Variants in BACH2 observed in about 807,000 individuals in gnomAD.
BACH2 encodes transcription regulator protein BACH2.
A neutral mutation model predicts 61.8 loss-of-function variants in BACH2; 5 were observed. The observed-to-expected ratio is 0.08, with a 90% confidence interval of 0.04 to 0.17. The LOEUF is 0.17. Ranked by LOEUF, BACH2 falls within the 10% of genes least tolerant of loss-of-function variation. The probability of loss-of-function intolerance (pLI) is 1.00; values close to 1 mark genes in which losing one functional copy is unlikely to be tolerated. For missense variants in BACH2, 824 were observed against 1,091.1 expected, an observed-to-expected ratio of 0.76 and a Z score of 3.45; for synonymous variants, 446 against 440.1, an observed-to-expected ratio of 1.01 and a Z score of -0.17.
chr6:90,213,866 C>G (rs1310545801), intron 3 of BACH2, among the ~76,000 whole-genome samples: 5 of 152,168 alleles, frequency 3.3e-5, no homozygotes, highest in Admixed American at 3.3e-4. Flanking sequence ...TCATTCTCTC[C>G]TCTTCTGATG....
chr6:90,131,877 C>T (rs373702408), intron 4 of BACH2, among the ~76,000 whole-genome samples: 5 of 152,278 alleles, frequency 3.3e-5, no homozygotes, highest in African/African-American at 1.2e-4. Context: ...TTAAGCTCAC[C>T]ATTGTTATGC....
At position 90,123,571 on chromosome 6, in the gene BACH2, C is replaced by A. The variant is rs567771416; in HGVS notation, c.-161-34462G>T. On this transcript the variant is annotated intron_variant, in intron 4 of 8. Transcript: ENST00000257749. ...GGATCACGAGGTCAGGAGATCGAGACCATCCCAGCTAAAACGGTGAAACCC... is the reference window on the plus strand; with the variant it reads ...GGATCACGAGGTCAGGAGATCGAGAACATCCCAGCTAAAACGGTGAAACCC... Among the ~76,000 whole-genome samples the A allele has an allele frequency of 2.1e-3, 315 of 151,382 alleles. 1 individual carries two copies. Among genetic ancestry groups the A allele is most frequent in the African/African-American group, 7.0e-3 (289 of 41,188 alleles).
At chr6:90,260,355 T>C (rs1346285314) in intron 2 of BACH2, among the ~76,000 whole-genome samples, 2 of 152,230 alleles carry the variant, frequency 1.3e-5, no homozygotes, top group Non-Finnish European at 2.9e-5. Flanking sequence ...ATTTGTGAAT[T>C]TTTCAAGATT....
intron 6 of BACH2, among the ~76,000 whole-genome samples, chr6:89,990,653 T>G (rs1004723993): frequency 2.1e-5 from 3 of 144,112 alleles, no homozygotes; most frequent in Non-Finnish European, 4.6e-5. Flanking sequence ...CCCTCCAACC[T>G]CTGGTCCATG....
intron 1 of BACH2, among the ~76,000 whole-genome samples, chr6:90,284,044 TAGAA>T (rs1023800589): frequency 4.0e-5 from 6 of 151,212 alleles, no homozygotes; most frequent in Admixed American, 1.3e-4. Context: ...ATAAAGCACT[TAGAA>T]AGGAAAAGAA....
At position 90,296,768 on chromosome 6, in the gene BACH2, CCCGGGCG is replaced by C; in HGVS notation, c.-741_-735del. On this transcript the variant is annotated 5_prime_UTR_variant, in exon 1 of 9. Transcript: ENST00000257749. ...TCACGTTAGCGCTGTGCGACCGCAGCCCGGGCGTGCACGGCCGCTGCTGCCGCTGCTG... is the reference window on the plus strand; with the variant it reads ...TCACGTTAGCGCTGTGCGACCGCAGCTGCACGGCCGCTGCTGCCGCTGCTG... The C allele has an allele frequency of 5.9e-6, 1 of 169,288 alleles. No individual in the cohort carries two copies. The highest frequency in any genetic ancestry group is 1.2e-5 in the Non-Finnish European group (1 of 81,910). 10.5% of individuals were successfully genotyped at this position (169,288 alleles called of 1,614,324 possible). A position where few individuals can be genotyped will look rare whatever the true frequency, so the allele number is the denominator to read the frequency against.
At chr6:90,194,449 T>A (rs1304273194) in intron 4 of BACH2, among the ~76,000 whole-genome samples, 2 of 152,172 alleles carry the variant, frequency 1.3e-5, no homozygotes, top group Admixed American at 6.5e-5. Flanking sequence ...ATAGAAAAGC[T>A]AGGATGATTC....
intron 5 of BACH2, among the ~76,000 whole-genome samples, chr6:90,084,538 G>GTTT (rs58667089): frequency 1.2e-4 from 16 of 138,676 alleles, no homozygotes; most frequent in South Asian, 4.5e-4. Context: ...TTTAATTCCA[G>GTTT]TTTTTTTTTT....
In BACH2 at chr6:90,051,458, C is replaced by T. The variant is rs555912748; in HGVS notation, c.-13+37503G>A. ...GAACAGAGCTCTATCCACCCATTTACGTATTATCTATAGCTGCTTTTGCAC... is the reference window on the plus strand; with the variant it reads ...GAACAGAGCTCTATCCACCCATTTATGTATTATCTATAGCTGCTTTTGCAC... On this transcript the variant is annotated intron_variant, in intron 5 of 8. Coordinates refer to ENST00000257749, the MANE Select transcript of BACH2 (RefSeq NM_021813.4). 2.6e-5 allele frequency among the ~76,000 whole-genome samples: 4 copies of T among 152,248 alleles called. No homozygotes were observed. In the East Asian group the frequency reaches 5.8e-4, roughly 22 times the overall value.
intron 4 of BACH2, among the ~76,000 whole-genome samples, chr6:90,123,564 A>T (rs1185904934): frequency 6.6e-6 from 1 of 151,602 alleles, no homozygotes; most frequent in Non-Finnish European, 1.5e-5. Context: ...AGGTCAGGAG[A>T]TCGAGACCAT....
At chr6:90,047,530 G>A (rs1286593487) in intron 5 of BACH2, among the ~76,000 whole-genome samples, 5 of 152,094 alleles carry the variant, frequency 3.3e-5, no homozygotes, top group African/African-American at 4.8e-5. Flanking sequence ...CCATTTCCCC[G>A]AATCACTTCT....
intron 5 of BACH2, among the ~76,000 whole-genome samples, chr6:90,086,922 T>G (rs1212785580): frequency 6.6e-6 from 1 of 152,172 alleles, no homozygotes; most frequent in Non-Finnish European, 1.5e-5. Context: ...GGTGGAGTAA[T>G]AATAATTACA....
chr6:89,944,726 C>G (rs1773631455), intron 7 of BACH2, among the ~76,000 whole-genome samples: 1 of 151,756 alleles, frequency 6.6e-6, no homozygotes, highest in African/African-American at 2.4e-5. Flanking sequence ...AACACACTCT[C>G]TTACTCTCAT....
At chr6:90,103,350 G>A (rs1782759808) in intron 4 of BACH2, among the ~76,000 whole-genome samples, 1 of 152,008 alleles carries the variant, frequency 6.6e-6, no homozygotes. Context: ...ATCCCAGGGA[G>A]TAGCAACCCT....
chr6:89,959,880 C>T (rs563897390), intron 6 of BACH2, among the ~76,000 whole-genome samples: 6 of 152,302 alleles, frequency 3.9e-5, no homozygotes, highest in Admixed American at 1.3e-4. Flanking sequence ...GACCTGCCAA[C>T]AGGTGCACAG....
At chr6:90,179,673 G>C (rs551331420) in intron 4 of BACH2, among the ~76,000 whole-genome samples, 1 of 151,952 alleles carries the variant, frequency 6.6e-6, no homozygotes, top group African/African-American at 2.4e-5. Context: ...GGTTATTGTG[G>C]GCATCAAAGA....
chr6:89,938,288 C>T lies in BACH2; in HGVS notation c.1899G>A (p.Met633Ile). ...TDLPRNDFQMMIKMHKLTSEQ... is the reference protein window; with the variant it reads ...TDLPRNDFQMIIKMHKLTSEQ... ...CTGAGGTTAGCTTGTGCATTTTAATCATCATCTGGAAATCGTTCCTTGGAA... is the reference window on the plus strand; with the variant it reads ...CTGAGGTTAGCTTGTGCATTTTAATTATCATCTGGAAATCGTTCCTTGGAA... The change falls in exon 8 of 9, where the codon ATG (methionine) becomes ATA (isoleucine). Residue 633 changes from methionine to isoleucine, a missense_variant. Met to Ile is a conservative substitution (Grantham distance 10, BLOSUM62 1). Around this residue, in one of 8 missense-constraint regions of BACH2, gnomAD observed 160 missense variants for 283.5 expected, o/e 0.56. Coordinates refer to ENST00000257749, the MANE Select transcript of BACH2 (RefSeq NM_021813.4). 2 of 1,614,250 alleles carry T rather than the reference C, an allele frequency of 1.2e-6. No individual in the cohort carries two copies. Among genetic ancestry groups the T allele is most frequent in the Non-Finnish European group, 1.7e-6 (2 of 1,180,038 alleles).
chr6:90,195,775 T>C (rs888777415), intron 4 of BACH2, among the ~76,000 whole-genome samples: 2 of 152,210 alleles, frequency 1.3e-5, no homozygotes, highest in South Asian at 2.1e-4. Context: ...TAAAATCAAA[T>C]TGAAATCCAA....
At chr6:89,993,204 C>T (rs1368162411) in intron 6 of BACH2, among the ~76,000 whole-genome samples, 1 of 152,134 alleles carries the variant, frequency 6.6e-6, no homozygotes, top group African/African-American at 2.4e-5. Flanking sequence ...TTTGCTATGG[C>T]AGCCTGAGTG....
Sources: gnomAD v4.1 joint callset for allele counts (sites outside exome capture counted in the v4.1 genomes callset) on GRCh38, gnomAD v4.1.1 for gene constraint, gnomAD v4.1.1 regional missense constraint, MANE v1.5 for transcripts, NCBI Gene and HGNC (gene_info 2026-07-23, HGNC 2026-07-21) for gene names.